The following ENOPH1 variants were observed in gnomAD, a reference collection of about 807,000 sequenced individuals.
The protein encoded by ENOPH1 is enolase-phosphatase E1.
Under a neutral mutation model 31.1 loss-of-function variants are expected in ENOPH1, and 14 were observed. The observed-to-expected ratio is 0.45, with a 90% CI of 0.30 to 0.70. The LOEUF (loss-of-function observed/expected upper bound fraction) is 0.70. Among genes scored for constraint, ENOPH1 ranks in the 30% least tolerant of loss-of-function variants. The pLI is 0.09. For missense variants in ENOPH1, 243 were observed against 321.5 expected, an observed-to-expected ratio of 0.76 and a Z score of 1.87; for synonymous variants, 127 against 123.2, an observed-to-expected ratio of 1.03 and a Z score of -0.21.
At chr4:82,444,225 C>T (rs1196636629) in intron 1 of ENOPH1, among the ~76,000 whole-genome samples, 27 of 143,600 alleles carry the variant, frequency 1.9e-4, no homozygotes, top group Admixed American at 1.4e-3. Flanking sequence ...CAGCACTATT[C>T]TTTTTTTTTT....
chr4:82,454,112 G>A (rs188003641), intron 3 of ENOPH1, among the ~76,000 whole-genome samples: 1 of 151,890 alleles, frequency 6.6e-6, no homozygotes, highest in East Asian at 1.9e-4. Context: ...TACCTGGGAG[G>A]CTGAGGTGGG....
intron 1 of ENOPH1, among the ~76,000 whole-genome samples, chr4:82,442,153 G>A (rs1722057117): frequency 6.6e-6 from 1 of 152,202 alleles, no homozygotes; most frequent in South Asian, 2.1e-4. Context: ...TCCATTGCAT[G>A]TAATTTCCCC....
intron 2 of ENOPH1, among the ~76,000 whole-genome samples, chr4:82,450,747 T>C (rs1479156488): frequency 6.6e-6 from 1 of 152,230 alleles, no homozygotes; most frequent in Admixed American, 6.5e-5. Context: ...TTGATCCCAG[T>C]AGTGAATCAA....
intron 4 of ENOPH1, among the ~76,000 whole-genome samples, chr4:82,456,017 C>T (rs922636320): frequency 5.9e-5 from 9 of 151,540 alleles, no homozygotes; most frequent in Admixed American, 4.6e-4. Flanking sequence ...ATAATGAAAC[C>T]CTTTAATCAT....
intron 1 of ENOPH1, among the ~76,000 whole-genome samples, chr4:82,433,715 C>G (rs1721834129): frequency 1.3e-5 from 2 of 152,272 alleles, no homozygotes; most frequent in South Asian, 4.1e-4. Context: ...TTCTCAGAAC[C>G]TTCGGTATCA....
intron 3 of ENOPH1, among the ~76,000 whole-genome samples, chr4:82,453,441 CTG>C (rs781155526): frequency 5.9e-5 from 9 of 152,292 alleles, no homozygotes; most frequent in African/African-American, 7.2e-5. Flanking sequence ...AGACAGGAGA[CTG>C]TGCACCCGGT....
Position 82,435,672 on chromosome 4 carries a change from G to C in ENOPH1, c.84+4759G>C, listed in dbSNP as rs77229698. 3.5e-3 allele frequency among the ~76,000 whole-genome samples: 536 copies of C among 152,278 alleles called. 2 individuals carry two copies. The highest frequency in any genetic ancestry group is 0.01 in the Middle Eastern group (3 of 294). On this transcript the variant is annotated intron_variant, in intron 1 of 5. Coordinates refer to ENST00000273920, the MANE Select transcript of ENOPH1 (RefSeq NM_021204.5). ...TGGTTAAACATCCATTTGATAAGTA[G>C]TATTACTTCTATTATTGCCAGCATT...
At chr4:82,437,831 G>A (rs116364659) in intron 1 of ENOPH1, among the ~76,000 whole-genome samples, 1 of 152,168 alleles carries the variant, frequency 6.6e-6, no homozygotes, top group Non-Finnish European at 1.5e-5. Flanking sequence ...GGGTGATGGT[G>A]ATATGCATTC....
At position 82,434,734 on chromosome 4, in the gene ENOPH1, A is replaced by G. The variant is rs536036530; in HGVS notation, c.84+3821A>G. Reference sequence around the variant, plus strand: ...GTCTCAAAAAAAGAAAAGAAAAGAAAAAAAGGAATAAATAATTCAAAAATT... The same window carrying G: ...GTCTCAAAAAAAGAAAAGAAAAGAAGAAAAGGAATAAATAATTCAAAAATT... On this transcript the variant is annotated intron_variant, in intron 1 of 5. Coordinates refer to ENST00000273920, the MANE Select transcript of ENOPH1 (RefSeq NM_021204.5). Among the ~76,000 whole-genome samples, 6 of 151,812 alleles carry G rather than the reference A, an allele frequency of 4.0e-5. No homozygotes were observed. In the East Asian group the frequency reaches 1.2e-3, roughly 29 times the overall value.
chr4:82,432,985 C>CT lies in ENOPH1; in HGVS notation c.84+2081dup, dbSNP rs139090269. Among the ~76,000 whole-genome samples, 290 of 151,554 alleles carry CT rather than the reference C, an allele frequency of 1.9e-3. 3 individuals carry two copies. Among genetic ancestry groups the CT allele is most frequent in the East Asian group, 6.2e-3 (32 of 5,162 alleles). On this transcript the variant is annotated intron_variant, in intron 1 of 5. Coordinates refer to ENST00000273920, the MANE Select transcript of ENOPH1 (RefSeq NM_021204.5). ...CAAATACTGATGATTGATTAATTTC[C>CT]TTTTTTTTTGGATTGTGACAGAGTA...
chr4:82,441,906 CTT>C (rs2110039861), intron 1 of ENOPH1, among the ~76,000 whole-genome samples: 1 of 152,324 alleles, frequency 6.6e-6, no homozygotes, highest in Admixed American at 6.5e-5. Context: ...GGAAGGCTAA[CTT>C]TAACAGAGAA....
chr4:82,445,672 G>A (rs975124139), intron 1 of ENOPH1, among the ~76,000 whole-genome samples: 23 of 152,094 alleles, frequency 1.5e-4, no homozygotes, highest in African/African-American at 5.1e-4. Flanking sequence ...TGAACTCCTG[G>A]GTTCAAGTGA....
At chr4:82,448,330 T>G (rs1036499997) in intron 2 of ENOPH1, among the ~76,000 whole-genome samples, 8 of 151,778 alleles carry the variant, frequency 5.3e-5, no homozygotes, top group African/African-American at 1.7e-4. Context: ...GGTGTGATCT[T>G]AGCTCACTGC....
Position 82,460,363 on chromosome 4 carries a change from A to C in ENOPH1, c.*243A>C. ...TAGAAATTGTTTCAAATCATACTCT[A>C]ACCCTTAGTGAGGGCAAAGTGTAGT... is the stretch of plus-strand genomic sequence containing the variant. On this transcript the variant is annotated 3_prime_UTR_variant, in exon 6 of 6. Coordinates refer to ENST00000273920, the MANE Select transcript of ENOPH1 (RefSeq NM_021204.5). The C allele has an allele frequency of 2.8e-6, 1 of 362,270 alleles. No homozygotes were observed. The highest frequency in any genetic ancestry group is 6.0e-5 in the South Asian group (1 of 16,800). 22.4% of individuals were successfully genotyped at this position (362,270 alleles called of 1,614,324 possible).
intron 4 of ENOPH1, among the ~76,000 whole-genome samples, chr4:82,455,333 T>A (rs145181376): frequency 6.6e-6 from 1 of 152,126 alleles, no homozygotes; most frequent in Non-Finnish European, 1.5e-5. Flanking sequence ...GAGGATGGGG[T>A]GATCAGTGAA....
intron 5 of ENOPH1, among the ~76,000 whole-genome samples, chr4:82,457,530 T>C (rs11946769): frequency 0.03 from 4,610 of 152,132 alleles, 159 homozygotes; most frequent in African/African-American, 0.09. Context: ...ATGAACCAAC[T>C]CTGGGGGTTG....
intron 5 of ENOPH1, among the ~76,000 whole-genome samples, chr4:82,458,179 C>G (rs1029270940): frequency 6.6e-6 from 1 of 152,160 alleles, no homozygotes; most frequent in African/African-American, 2.4e-5. Flanking sequence ...GCCCAGACTT[C>G]CACTGCTGAG....
chr4:82,433,244 A>G (rs1578090979), intron 1 of ENOPH1, among the ~76,000 whole-genome samples: 1 of 151,496 alleles, frequency 6.6e-6, no homozygotes, highest in African/African-American at 2.4e-5. Flanking sequence ...AAAACATAAT[A>G]CCCCTCCCCC....
intron 4 of ENOPH1, among the ~76,000 whole-genome samples, chr4:82,456,104 C>T (rs1722485591): frequency 6.6e-6 from 1 of 151,352 alleles, no homozygotes. Flanking sequence ...AAAGTACCTA[C>T]TGAGTTCACT....
Sources: allele counts gnomAD v4.1 joint callset (sites outside exome capture counted in the v4.1 genomes callset), GRCh38; gene constraint gnomAD v4.1.1; transcripts MANE v1.5; gene names NCBI Gene and HGNC (gene_info 2026-07-23, HGNC 2026-07-21).